The following ANKS1B variants were observed in gnomAD, a reference collection of about 807,000 sequenced individuals.
ANKS1B encodes the protein ankyrin repeat and sterile alpha motif domain containing 1B, also known as ankyrin repeat and sterile alpha motif domain-containing protein 1B.
Under a neutral mutation model 148.3 loss-of-function variants are expected in ANKS1B, and 36 were observed. That is an observed-to-expected ratio of 0.24 (90% confidence interval 0.19 to 0.32). ANKS1B has a LOEUF of 0.32. Among genes scored for constraint, ANKS1B ranks in the 10% least tolerant of loss-of-function variants. The pLI, the probability that ANKS1B is intolerant of heterozygous loss-of-function variation, is 1.00. For missense variants in ANKS1B, 1,157 were observed against 1,542.6 expected (o/e 0.75, Z 4.19); for synonymous variants, 542 against 560.8 (o/e 0.97, Z 0.47).
At chr12:99,744,266 C>T (rs77392823) in intron 8 of ANKS1B, among the ~76,000 whole-genome samples, 1 of 152,134 alleles carries the variant, frequency 6.6e-6, no homozygotes, top group African/African-American at 2.4e-5. Flanking sequence ...TTTTGAGAGT[C>T]AATCACATGA....
chr12:98,752,415 C>T (rs573252755), intron 25 of ANKS1B, among the ~76,000 whole-genome samples: 5 of 152,032 alleles, frequency 3.3e-5, no homozygotes, highest in African/African-American at 7.2e-5. Flanking sequence ...CGTGCCACCA[C>T]GCCCAGCTGA....
intron 9 of ANKS1B, among the ~76,000 whole-genome samples, chr12:99,641,982 C>T (rs960923304): frequency 1.7e-4 from 26 of 152,090 alleles, no homozygotes; most frequent in African/African-American, 5.8e-4. Flanking sequence ...CATAGAATTA[C>T]TGTGAAATAT....
At chr12:99,766,496 T>C (rs2153613730) in intron 8 of ANKS1B, among the ~76,000 whole-genome samples, 1 of 152,256 alleles carries the variant, frequency 6.6e-6, no homozygotes, top group South Asian at 2.1e-4. Context: ...TCTGGATTTT[T>C]CCATTAATGT....
intron 1 of ANKS1B, among the ~76,000 whole-genome samples, chr12:99,955,605 T>C (rs2095310686): frequency 6.9e-6 from 1 of 144,974 alleles, no homozygotes; most frequent in Non-Finnish European, 1.5e-5. Context: ...CTGTTACCTA[T>C]CTCCAGAACA....
At chr12:99,584,216 T>A (rs993706302) in intron 9 of ANKS1B, among the ~76,000 whole-genome samples, 5 of 152,206 alleles carry the variant, frequency 3.3e-5, no homozygotes, top group African/African-American at 4.8e-5. Context: ...CAAAAGCTTA[T>A]GAAAATTGAT....
chr12:99,369,791 T>TAGATAGATAGATGGATGGAC lies in ANKS1B; in HGVS notation c.1756+29839_1756+29840insGTCCATCCATCTATCTATCT, dbSNP rs879173702. Among the ~76,000 whole-genome samples, 57 of 148,892 alleles carry TAGATAGATAGATGGATGGAC rather than the reference T, an allele frequency of 3.8e-4. 1 individual carries two copies. In the East Asian group the frequency reaches 8.8e-3, roughly 23 times the overall value. ...ATAGATAGATAGATAGATAGATAGA[T>TAGATAGATAGATGGATGGAC]GGACGGACGGACAGACGGACGGACG... On this transcript the variant is annotated intron_variant, in intron 12 of 26. Coordinates refer to ENST00000683438, the MANE Select transcript of ANKS1B (RefSeq NM_001352186.2).
At chr12:99,856,887 A>T (rs2089208634) in intron 1 of ANKS1B, among the ~76,000 whole-genome samples, 1 of 152,174 alleles carries the variant, frequency 6.6e-6, no homozygotes, top group Non-Finnish European at 1.5e-5. Context: ...CATACCTTAA[A>T]GTAATGAAAG....
chr12:98,963,442 T>A (rs182665704), intron 17 of ANKS1B, among the ~76,000 whole-genome samples: 2 of 152,270 alleles, frequency 1.3e-5, no homozygotes, highest in East Asian at 3.9e-4. Flanking sequence ...CCTCCCAAAG[T>A]GCTGGGATTA....
At chr12:98,819,121 T>C (rs2099164616) in intron 19 of ANKS1B, among the ~76,000 whole-genome samples, 1 of 152,252 alleles carries the variant, frequency 6.6e-6, no homozygotes. Flanking sequence ...ATCACTGATA[T>C]ACTGAGTGGC....
At chr12:99,792,194 T>C (rs543397516) in intron 4 of ANKS1B, among the ~76,000 whole-genome samples, 1 of 151,714 alleles carries the variant, frequency 6.6e-6, no homozygotes, top group African/African-American at 2.4e-5. Flanking sequence ...AATTGAACCA[T>C]TAACAATTCC....
chr12:99,401,008 AG>A (rs1027202993), intron 11 of ANKS1B, among the ~76,000 whole-genome samples: 1 of 145,454 alleles, frequency 6.9e-6, no homozygotes, highest in African/African-American at 2.6e-5. Flanking sequence ...AAAATATATA[AG>A]GTGTGTAAAT....
chr12:99,321,919 TG>T (rs2085350341), intron 12 of ANKS1B, among the ~76,000 whole-genome samples: 1 of 152,176 alleles, frequency 6.6e-6, no homozygotes, highest in Non-Finnish European at 1.5e-5. Flanking sequence ...GGAATGTAAA[TG>T]AGTTCAACCA....
intron 1 of ANKS1B, among the ~76,000 whole-genome samples, chr12:99,866,108 C>T (rs2090720662): frequency 6.6e-6 from 1 of 152,160 alleles, no homozygotes; most frequent in African/African-American, 2.4e-5. Context: ...AGCCTGGTCA[C>T]TAGCTTTTAC....
chr12:99,701,692 C>A (rs964784963), intron 8 of ANKS1B, among the ~76,000 whole-genome samples: 1 of 152,042 alleles, frequency 6.6e-6, no homozygotes, highest in Non-Finnish European at 1.5e-5. Flanking sequence ...GCCCCCAACA[C>A]TACCCTTTCC....
chr12:99,035,232 A>T (rs186398480), intron 17 of ANKS1B, among the ~76,000 whole-genome samples: 8 of 152,264 alleles, frequency 5.3e-5, no homozygotes, highest in Admixed American at 3.9e-4. Flanking sequence ...AAATCTAAAA[A>T]TATTACTCTA....
intron 10 of ANKS1B, among the ~76,000 whole-genome samples, chr12:99,495,342 AGTGT>A (rs56107230): frequency 0.035 from 5,133 of 145,356 alleles, 109 homozygotes; most frequent in African/African-American, 0.068. Flanking sequence ...GGGGAGAAAA[AGTGT>A]GTGTGTGTGT....
At chr12:99,641,706 T>A (rs2098308270) in intron 9 of ANKS1B, among the ~76,000 whole-genome samples, 1 of 152,290 alleles carries the variant, frequency 6.6e-6, no homozygotes, top group East Asian at 1.9e-4. Flanking sequence ...ATCATTGATA[T>A]CAATATCAAA....
At chr12:99,118,800 C>CA (rs2062017123) in intron 15 of ANKS1B, among the ~76,000 whole-genome samples, 2 of 152,082 alleles carry the variant, frequency 1.3e-5, no homozygotes, top group Non-Finnish European at 2.9e-5. Flanking sequence ...CCATTTTTGA[C>CA]AAATATTTGA....
chr12:99,262,243 A>AT (rs2076000486), intron 12 of ANKS1B, among the ~76,000 whole-genome samples: 5 of 151,756 alleles, frequency 3.3e-5, no homozygotes, highest in Admixed American at 2.0e-4. Flanking sequence ...TAAATATAAA[A>AT]AAATATATAT....
Sources: gnomAD v4.1 joint callset for allele counts (sites outside exome capture counted in the v4.1 genomes callset) on GRCh38, gnomAD v4.1.1 for gene constraint, MANE v1.5 for transcripts, NCBI Gene and HGNC (gene_info 2026-07-23, HGNC 2026-07-21) for gene names.